KRABD5: variants seen among roughly 807,000 people sequenced by gnomAD.
KRABD5 encodes the protein KRAB domain containing 5, also known as KRAB domain-containing protein 5.
chr16:31,726,720 A>T, the KRABD5 span, among the ~76,000 whole-genome samples: 2 of 152,164 alleles, frequency 1.3e-5, no homozygotes, highest in Admixed American at 6.5e-5. Context: ...AGATCACGCC[A>T]CTGCACTCCA....
At chr16:31,755,822 G>A in the KRABD5 span, 28 of 305,244 alleles carry the variant, frequency 9.2e-5, no homozygotes, top group Admixed American at 3.7e-4. Flanking sequence ...ATGGGAGGAA[G>A]TATTTAATCA....
At chr16:31,753,907 G>T in the KRABD5 span, 6 of 1,551,100 alleles carry the variant, frequency 3.9e-6, no homozygotes, top group Non-Finnish European at 5.2e-6. Flanking sequence ...GAGGGTAAGT[G>T]TGAAGGTCAC....
At chr16:31,741,577 C>G in the KRABD5 span, among the ~76,000 whole-genome samples, 1 of 151,980 alleles carries the variant, frequency 6.6e-6, no homozygotes, top group Non-Finnish European at 1.5e-5. Flanking sequence ...AACATTTTTT[C>G]GTATGCTTGA....
the KRABD5 span, among the ~76,000 whole-genome samples, chr16:31,738,347 AG>A: frequency 6.6e-6 from 1 of 152,084 alleles, no homozygotes; most frequent in African/African-American, 2.4e-5. Flanking sequence ...ATTCTGTAAA[AG>A]TTTGCTAGTT....
At chr16:31,734,877 G>A in the KRABD5 span, among the ~76,000 whole-genome samples, 1 of 151,918 alleles carries the variant, frequency 6.6e-6, no homozygotes, top group East Asian at 1.9e-4. Context: ...CTCCTGAGTA[G>A]CTGTGATTAC....
chr16:31,744,144 G>T, the KRABD5 span, among the ~76,000 whole-genome samples: 1 of 152,210 alleles, frequency 6.6e-6, no homozygotes, highest in Non-Finnish European at 1.5e-5. Flanking sequence ...GCCCTGGCCA[G>T]AACTTTCAAT....
At chr16:31,726,890 G>A in the KRABD5 span, among the ~76,000 whole-genome samples, 1 of 152,118 alleles carries the variant, frequency 6.6e-6, no homozygotes, top group Non-Finnish European at 1.5e-5. Flanking sequence ...CATTTTATCA[G>A]TATTAATTTT....
the KRABD5 span, among the ~76,000 whole-genome samples, chr16:31,722,362 C>T: frequency 2.0e-5 from 3 of 152,332 alleles, no homozygotes; most frequent in East Asian, 3.9e-4. Context: ...CTACCGCGCC[C>T]GGCCTCGATG....
chr16:31,741,246 T>C, the KRABD5 span, among the ~76,000 whole-genome samples: 2 of 152,236 alleles, frequency 1.3e-5, no homozygotes, highest in Non-Finnish European at 2.9e-5. Context: ...ATGTTTTTGC[T>C]ATTGTGAATA....
At chr16:31,754,891 A>G in the KRABD5 span, 1 of 459,158 alleles carries the variant, frequency 2.2e-6, no homozygotes, top group Non-Finnish European at 4.5e-6. Context: ...AATGTAAAGA[A>G]TGTGGCAAAG....
the KRABD5 span, among the ~76,000 whole-genome samples, chr16:31,737,078 G>A: frequency 6.6e-6 from 1 of 152,150 alleles, no homozygotes; most frequent in Non-Finnish European, 1.5e-5. Flanking sequence ...CAGTAAATAT[G>A]ACAAACCAGT....
At chr16:31,754,540 C>T in the KRABD5 span, 7 of 559,494 alleles carry the variant, frequency 1.3e-5, no homozygotes, top group South Asian at 7.6e-5. Flanking sequence ...TTCTACATAA[C>T]CATTGCAAAC....
At chr16:31,723,274 G>A in the KRABD5 span, 6 of 1,613,902 alleles carry the variant, frequency 3.7e-6, no homozygotes, top group Admixed American at 8.3e-5. Flanking sequence ...CTGTCTCTAA[G>A]CCGGACCTGA....
the KRABD5 span, among the ~76,000 whole-genome samples, chr16:31,724,229 A>T: frequency 6.7e-6 from 1 of 148,546 alleles, no homozygotes; most frequent in Admixed American, 6.7e-5. Flanking sequence ...TCCTTCTTTC[A>T]TGTGGATTTT....
chr16:31,754,418 T>C, the KRABD5 span: 6 of 635,416 alleles, frequency 9.4e-6, no homozygotes. Flanking sequence ...TAGGCAGGAC[T>C]ATACCCTAAA....
the KRABD5 span, chr16:31,754,357 A>T: frequency 4.9e-6 from 3 of 612,466 alleles, no homozygotes; most frequent in Non-Finnish European, 8.6e-6. Flanking sequence ...AATGTCAAGG[A>T]ATAGATAATT....
chr16:31,723,387 C>T, the KRABD5 span: 10 of 1,588,032 alleles, frequency 6.3e-6, no homozygotes, highest in Admixed American at 1.8e-5. Context: ...ATGACATGGG[C>T]GAGAGGTCCA....
chr16:31,754,288 A>G, the KRABD5 span: 1 of 624,194 alleles, frequency 1.6e-6, no homozygotes, highest in Non-Finnish European at 2.8e-6. Context: ...AACAAATAAC[A>G]CCTCGTTCTG....
chr16:31,744,200 C>G, the KRABD5 span, among the ~76,000 whole-genome samples: 7 of 152,090 alleles, frequency 4.6e-5, no homozygotes, highest in Non-Finnish European at 1.5e-5. Flanking sequence ...TTGTCTTGTA[C>G]TAATTTTCAA....
Sources: allele counts gnomAD v4.1 joint callset (sites outside exome capture counted in the v4.1 genomes callset), GRCh38; gene constraint gnomAD v4.1.1; transcripts MANE v1.5; gene names NCBI Gene and HGNC (gene_info 2026-07-23, HGNC 2026-07-21).